Variants in RBFOX1 observed in about 807,000 individuals in gnomAD.
RBFOX1 encodes the protein RNA binding fox-1 homolog 1.
In RBFOX1, 8 loss-of-function variants were observed where a neutral mutation model predicts 57.7. The ratio of observed to expected loss-of-function variants is 0.14; its 90% confidence interval spans 0.08 to 0.25. The LOEUF is 0.25. Among genes scored for constraint, RBFOX1 ranks in the 10% least tolerant of loss-of-function variants. The probability of loss-of-function intolerance (pLI) is 1.00; values close to 1 mark genes in which losing one functional copy is unlikely to be tolerated. For missense variants in RBFOX1, 611 were observed against 548.5 expected, an observed-to-expected ratio of 1.11 and a Z score of -1.14; for synonymous variants, 326 against 222.4, an observed-to-expected ratio of 1.47 and a Z score of -4.15.
intron 4 of RBFOX1, among the ~76,000 whole-genome samples, chr16:7,227,249 C>G (rs1480653929): frequency 6.6e-6 from 1 of 151,232 alleles, no homozygotes; most frequent in Non-Finnish European, 1.5e-5. Context: ...CTGTATATCT[C>G]TCTCTGTTCT....
At chr16:5,890,469 C>T (rs566423321) in intron 4 of RBFOX1, among the ~76,000 whole-genome samples, 4 of 151,948 alleles carry the variant, frequency 2.6e-5, no homozygotes, top group South Asian at 2.1e-4. Context: ...GAGGCTGAGG[C>T]GGGCAGATCA....
intron 4 of RBFOX1, among the ~76,000 whole-genome samples, chr16:5,932,174 A>G (rs533529480): frequency 6.6e-6 from 1 of 152,328 alleles, no homozygotes; most frequent in East Asian, 1.9e-4. Flanking sequence ...ACACCAGTCC[A>G]TTAAAAGCCG....
At chr16:7,446,847 C>G (rs573260743) in intron 4 of RBFOX1, among the ~76,000 whole-genome samples, 1 of 110,232 alleles carries the variant, frequency 9.1e-6, no homozygotes, top group African/African-American at 3.6e-5. Context: ...GTGTCTCACT[C>G]TGTCACCCAG....
chr16:5,423,541 C>G (rs1226824413), intron 1 of RBFOX1, among the ~76,000 whole-genome samples: 1 of 152,204 alleles, frequency 6.6e-6, no homozygotes, highest in Non-Finnish European at 1.5e-5. Context: ...GATGCCAGGC[C>G]TACCCTGGGC....
intron 4 of RBFOX1, among the ~76,000 whole-genome samples, chr16:7,067,792 T>G (rs2056447754): frequency 6.6e-6 from 1 of 150,704 alleles, no homozygotes; most frequent in Non-Finnish European, 1.5e-5. Context: ...GTTGTTTGAT[T>G]TTTTGTCCTT....
chr16:6,859,852 A>T (rs537808308), intron 3 of RBFOX1, among the ~76,000 whole-genome samples: 1 of 152,218 alleles, frequency 6.6e-6, no homozygotes. Flanking sequence ...ACTTTTGAGT[A>T]TTCAGAGCTT....
intron 1 of RBFOX1, among the ~76,000 whole-genome samples, chr16:5,447,939 T>C (rs1372617857): frequency 1.3e-5 from 2 of 152,132 alleles, no homozygotes; most frequent in South Asian, 2.1e-4. Flanking sequence ...CTGTGTAGAG[T>C]GACTGTGATT....
chr16:6,846,507 C>G (rs1285584671), intron 3 of RBFOX1, among the ~76,000 whole-genome samples: 1 of 152,094 alleles, frequency 6.6e-6, no homozygotes, highest in Non-Finnish European at 1.5e-5. Context: ...GCAAATGAAA[C>G]AAAATGTGTA....
chr16:7,662,264 T>C (rs1445768598), intron 12 of RBFOX1, among the ~76,000 whole-genome samples: 4 of 152,210 alleles, frequency 2.6e-5, no homozygotes, highest in Non-Finnish European at 5.9e-5. Context: ...GAAAAATACA[T>C]TGTTTACTTC....
At chr16:5,746,894 A>G (rs1040542628) in intron 3 of RBFOX1, among the ~76,000 whole-genome samples, 2 of 152,220 alleles carry the variant, frequency 1.3e-5, no homozygotes, top group African/African-American at 2.4e-5. Flanking sequence ...AACAGGGACA[A>G]TTTGACTTCC....
chr16:6,995,544 C>T (rs541714039), intron 3 of RBFOX1, among the ~76,000 whole-genome samples: 1 of 152,062 alleles, frequency 6.6e-6, no homozygotes, highest in African/African-American at 2.4e-5. Context: ...GAGGGTGGAT[C>T]ACCTTAGGTC....
chr16:6,050,799 A>G (rs987753711), intron 1 of RBFOX1, among the ~76,000 whole-genome samples: 1 of 151,910 alleles, frequency 6.6e-6, no homozygotes, highest in Non-Finnish European at 1.5e-5. Context: ...TGTGATTTCA[A>G]ATATATGAGC....
intron 4 of RBFOX1, among the ~76,000 whole-genome samples, chr16:5,869,883 G>C (rs2151901014): frequency 6.6e-6 from 1 of 152,028 alleles, no homozygotes; most frequent in East Asian, 1.9e-4. Context: ...TTCCCATAAA[G>C]GATTTATTTA....
chr16:6,076,299 C>CAA (rs35272016), intron 1 of RBFOX1, among the ~76,000 whole-genome samples: 1 of 144,218 alleles, frequency 6.9e-6, no homozygotes, highest in African/African-American at 2.6e-5. Context: ...AACTCTGTCT[C>CAA]AAAAAAAAAA....
At chr16:5,313,557 G>C (rs1426231143) in intron 1 of RBFOX1, among the ~76,000 whole-genome samples, 3 of 152,128 alleles carry the variant, frequency 2.0e-5, no homozygotes, top group Non-Finnish European at 4.4e-5. Flanking sequence ...ACTGGGAAGA[G>C]AAAGAGGTTT....
chr16:7,125,528 A>C (rs1042571930), intron 4 of RBFOX1, among the ~76,000 whole-genome samples: 1 of 152,206 alleles, frequency 6.6e-6, no homozygotes, highest in Non-Finnish European at 1.5e-5. Context: ...TATGGTTAAC[A>C]CACATTTTTT....
chr16:5,301,618 C>CAAAAAAAAAAAAAAAAAAAA (rs60501583), intron 1 of RBFOX1, among the ~76,000 whole-genome samples: 1 of 87,044 alleles, frequency 1.1e-5, no homozygotes, highest in Non-Finnish European at 2.1e-5. Flanking sequence ...GTCTCCATCT[C>CAAAAAAAAAAAAAAAAAAAA]AAAAAAAAAA....
chr16:6,782,111 A>G (rs1471081397), intron 3 of RBFOX1, among the ~76,000 whole-genome samples: 3 of 152,024 alleles, frequency 2.0e-5, no homozygotes, highest in Non-Finnish European at 4.4e-5. Context: ...GGTTCACGTG[A>G]TTCTCCTGCC....
chr16:7,309,623 C>G (rs1950285190), intron 4 of RBFOX1, among the ~76,000 whole-genome samples: 1 of 152,116 alleles, frequency 6.6e-6, no homozygotes, highest in African/African-American at 2.4e-5. Flanking sequence ...GGTAGACAGT[C>G]TTTTTTAGGG....
Sources: allele counts gnomAD v4.1 joint callset (sites outside exome capture counted in the v4.1 genomes callset), GRCh38; gene constraint gnomAD v4.1.1; transcripts MANE v1.5; gene names NCBI Gene and HGNC (gene_info 2026-07-23, HGNC 2026-07-21).